The following ZNF516 variants were observed in gnomAD, a reference collection of about 807,000 sequenced individuals.
The protein encoded by ZNF516 is zinc finger protein 516.
In ZNF516, 19 loss-of-function variants were observed where a neutral mutation model predicts 79.7. The ratio of observed to expected loss-of-function variants is 0.24; its 90% CI spans 0.17 to 0.35. The LOEUF is 0.35. Among genes scored for constraint, ZNF516 ranks in the 10% least tolerant of loss-of-function variants. ZNF516 has a pLI of 1.00. For missense variants in ZNF516, 1,678 were observed against 1,679.5 expected (o/e 1.00, Z 0.02); for synonymous variants, 877 against 739.5 (o/e 1.19, Z -3.02).
Position 76,379,944 on chromosome 18 carries a change from G to C in ZNF516, c.2170C>G (p.Arg724Gly), listed in dbSNP as rs550742823. ...GGCATGAGGTCTGGGGCCAGCGCCCGCTTCCCTCCCCCAGAGTGTTCCTTG... is the reference window on the plus strand; with the variant it reads ...GGCATGAGGTCTGGGGCCAGCGCCCCCTTCCCTCCCCCAGAGTGTTCCTTG... ...HNKEHSGGGK[R>G]ALAPDLMPLD... Residue 724 changes from arginine to glycine, a missense_variant, in exon 4 of 7, where the codon CGG becomes GGG. By Grantham distance (125) the Arg-to-Gly change is moderately radical. Transcript: ENST00000443185. The C allele has an allele frequency of 9.3e-6, 15 of 1,613,882 alleles. No homozygotes were observed. The East Asian group carries it at 3.3e-4, about 36-fold the overall frequency.
At chr18:76,366,862 T>G (rs1310120886) in intron 6 of ZNF516, among the ~76,000 whole-genome samples, 1 of 152,216 alleles carries the variant, frequency 6.6e-6, no homozygotes, top group Non-Finnish European at 1.5e-5. Flanking sequence ...GGTTACATTA[T>G]ATGTCTATGG....
At chr18:76,380,659 C>T (rs2074876675) in intron 3 of ZNF516, among the ~76,000 whole-genome samples, 1 of 152,206 alleles carries the variant, frequency 6.6e-6, no homozygotes, top group Non-Finnish European at 1.5e-5. Flanking sequence ...GTATAAGGTT[C>T]GTATGACTTT....
At chr18:76,387,743 C>A (rs1034986472) in intron 3 of ZNF516, 1 of 152,272 alleles carries the variant, frequency 6.6e-6, no homozygotes, top group African/African-American at 2.4e-5. Flanking sequence ...TGCCTCTGCC[C>A]AGGAGTGGCC....
chr18:76,444,052 G>A (rs1015936514), intron 2 of ZNF516, among the ~76,000 whole-genome samples: 2 of 152,214 alleles, frequency 1.3e-5, no homozygotes, highest in African/African-American at 2.4e-5. Context: ...GACGAGGGAC[G>A]CATGAATCAA....
rs1359919043 is a variant in ZNF516 at position 76,459,805 on chromosome 18, G to A, written c.-158+3223C>T. Among the ~76,000 whole-genome samples the A allele has an allele frequency of 2.6e-5, 4 of 152,160 alleles. No homozygotes were observed. The highest frequency in any genetic ancestry group is 2.1e-4 in the South Asian group (1 of 4,820). ...GGGCCAACTGCAGGCCCCCGGAGAC[G>A]AGGTTAGACGGTGGCAGGCAGGCTA... is the stretch of plus-strand genomic sequence containing the variant. On this transcript the variant is annotated intron_variant, in intron 2 of 6. Coordinates refer to ENST00000443185, the MANE Select transcript of ZNF516 (RefSeq NM_014643.4). This position sits in a 1 kb window ranked among gnomAD's most constrained non-coding sequence, Gnocchi z 5.0.
At chr18:76,363,289 G>A (rs1010334062) in intron 6 of ZNF516, among the ~76,000 whole-genome samples, 1 of 152,210 alleles carries the variant, frequency 6.6e-6, no homozygotes, top group African/African-American at 2.4e-5. Context: ...AAATCTTGAT[G>A]AAGTGAAACT....
Position 76,493,574 on chromosome 18 carries a change from A to C in ZNF516, c.-272+1570T>G, listed in dbSNP as rs941306376. 6.6e-6 allele frequency: 1 copy of C among 152,212 alleles called. No homozygotes were observed. Among genetic ancestry groups the C allele is most frequent in the Non-Finnish European group, 1.5e-5 (1 of 68,040 alleles). 9.4% of individuals were successfully genotyped at this position (152,212 alleles called of 1,614,324 possible). ...TGGAGATAAACGATCATGTTAACAG[A>C]TGTTAATCTTGTAATCTGTTTTTCC... On this transcript the variant is annotated intron_variant, in intron 1 of 6. Coordinates refer to ENST00000443185, the MANE Select transcript of ZNF516 (RefSeq NM_014643.4). This position sits in a 1 kb window ranked among gnomAD's most constrained non-coding sequence, Gnocchi z 5.2.
At chr18:76,430,595 G>A (rs1342809988) in intron 3 of ZNF516, among the ~76,000 whole-genome samples, 1 of 152,196 alleles carries the variant, frequency 6.6e-6, no homozygotes, top group African/African-American at 2.4e-5. Flanking sequence ...TGAGATTCAA[G>A]CATGTATGTA....
At chr18:76,466,006 T>A (rs2145699764) in intron 1 of ZNF516, among the ~76,000 whole-genome samples, 1 of 152,276 alleles carries the variant, frequency 6.6e-6, no homozygotes, top group East Asian at 1.9e-4. Flanking sequence ...AAACTTCTGC[T>A]GGGCAAAGAC....
rs1173902289 is a variant in ZNF516, at chr18:76,360,677, A to ATATATATG, written c.*1820_*1821insCATATATA. ...TATATATATATATATATATATATAT[A>ATATATATG]TAAGCTAGCCAGTTACATTGCATCG... is the stretch of plus-strand genomic sequence containing the variant. On this transcript the variant is annotated 3_prime_UTR_variant, in exon 7 of 7. Transcript: ENST00000443185. 5 of 113,658 alleles carry ATATATATG rather than the reference A, an allele frequency of 4.4e-5. No individual in the cohort carries two copies. Among genetic ancestry groups the ATATATATG allele is most frequent in the Non-Finnish European group, 9.4e-5 (5 of 53,422 alleles). The allele number at this position is 113,658 out of a possible 1,614,324, so 7.0% of individuals were successfully genotyped here. A position where few individuals can be genotyped will look rare whatever the true frequency, so the allele number is the denominator to read the frequency against.
intron 3 of ZNF516, among the ~76,000 whole-genome samples, chr18:76,390,193 T>C (rs1343721749): frequency 6.6e-6 from 1 of 152,186 alleles, no homozygotes; most frequent in Non-Finnish European, 1.5e-5. Flanking sequence ...CTAAGGTTTT[T>C]AATACAACTG....
In ZNF516 at chr18:76,442,047, G is replaced by C. The variant is rs1207643697; in HGVS notation, c.1008C>G (p.Val336=). 1 of 1,613,916 alleles carries C rather than the reference G, an allele frequency of 6.2e-7. No homozygotes were observed. Among genetic ancestry groups the C allele is most frequent in the African/African-American group, 1.3e-5 (1 of 74,966 alleles). The change falls in exon 3 of 7, where the codon GTC becomes GTG. Residue 336 remains valine, a synonymous_variant. Coordinates refer to ENST00000443185, the MANE Select transcript of ZNF516 (RefSeq NM_014643.4). The part of the protein sequence containing the change: ...VIVAGLSLYE[V]CAKCGNLFTN... The stretch of plus-strand genomic sequence containing the variant: ...TAAACAGGTTCCCGCACTTGGCGCA[G>C]ACCTCGTAGAGGCTCAGGCCGGCGA...
In ZNF516 at chr18:76,403,065, C is replaced by T. The variant is rs558882221; in HGVS notation, c.1811-22762G>A. Among the ~76,000 whole-genome samples, 13 of 152,330 alleles carry T rather than the reference C, an allele frequency of 8.5e-5. No individual in the cohort carries two copies. In the South Asian group the frequency reaches 2.7e-3, roughly 32 times the overall value. On this transcript the variant is annotated intron_variant, in intron 3 of 6. Coordinates refer to ENST00000443185, the MANE Select transcript of ZNF516 (RefSeq NM_014643.4). ...CCACCAGGCCAGAAACCACCAAAGG[C>T]GCCTGGCACTACTGTCATTTCCATT...
intron 3 of ZNF516, among the ~76,000 whole-genome samples, chr18:76,409,751 G>T (rs1364389742): frequency 6.6e-6 from 1 of 152,206 alleles, no homozygotes; most frequent in African/African-American, 2.4e-5. Context: ...TTCCCAGACT[G>T]CCTTGCAGCT....
At chr18:76,479,167 C>T (rs529111943) in intron 1 of ZNF516, among the ~76,000 whole-genome samples, 6 of 152,092 alleles carry the variant, frequency 3.9e-5, no homozygotes, top group African/African-American at 1.4e-4. Context: ...TCCATTGGTG[C>T]GATCTTAAGA....
Position 76,362,395 on chromosome 18 carries a change from T to C in ZNF516, c.*103A>G, listed in dbSNP as rs1490006344. 5 of 1,163,962 alleles carry C rather than the reference T, an allele frequency of 4.3e-6. No individual in the cohort carries two copies. The highest frequency in any genetic ancestry group is 6.2e-6 in the Non-Finnish European group (5 of 805,528). The allele number at this position is 1,163,962 out of a possible 1,614,324, so 72.1% of individuals were successfully genotyped here. A position where few individuals can be genotyped will look rare whatever the true frequency, so the allele number is the denominator to read the frequency against. On this transcript the variant is annotated 3_prime_UTR_variant, in exon 7 of 7. Transcript: ENST00000443185. Reference sequence around the variant, plus strand: ...GTCTGCTCAGGAGTTCCCCGGCTGTTCTTCCATGGAGCGGCCAGGTCACAG... The same window carrying C: ...GTCTGCTCAGGAGTTCCCCGGCTGTCCTTCCATGGAGCGGCCAGGTCACAG...
chr18:76,447,404 A>G (rs983592837), intron 2 of ZNF516, among the ~76,000 whole-genome samples: 10 of 152,316 alleles, frequency 6.6e-5, no homozygotes, highest in African/African-American at 2.4e-4. Flanking sequence ...GCGCCGTGTG[A>G]TAAAGTGCTA....
At chr18:76,407,764 C>T (rs8085747) in intron 3 of ZNF516, among the ~76,000 whole-genome samples, 2,751 of 152,350 alleles carry the variant, frequency 0.018, 46 homozygotes, top group African/African-American at 0.038. Flanking sequence ...AAGAAACAGT[C>T]GTTGCCAGCC....
chr18:76,441,418 C>A lies in ZNF516; in HGVS notation c.1637G>T (p.Ser546Ile). The A allele has an allele frequency of 6.2e-7, 1 of 1,608,404 alleles. No homozygotes were observed. The highest frequency in any genetic ancestry group is 8.5e-7 in the Non-Finnish European group (1 of 1,178,278). The change falls in exon 3 of 7, where the codon AGT becomes ATT. Residue 546 changes from serine (S) to isoleucine (I), a missense_variant. Coordinates refer to ENST00000443185, the MANE Select transcript of ZNF516 (RefSeq NM_014643.4). ...VHRRARRERD[S>I]DGDRAARARC... Reference sequence around the variant, plus strand: ...GGCCCGCGCCGCCCTGTCCCCGTCACTGTCCCTCTCGCGGCGCGCGCGGCG... The same window carrying A: ...GGCCCGCGCCGCCCTGTCCCCGTCAATGTCCCTCTCGCGGCGCGCGCGGCG...
Sources: allele counts gnomAD v4.1 joint callset (sites outside exome capture counted in the v4.1 genomes callset), GRCh38; gene constraint gnomAD v4.1.1; non-coding constraint Gnocchi (gnomAD v3.1); transcripts MANE v1.5; gene names NCBI Gene and HGNC (gene_info 2026-07-23, HGNC 2026-07-21).